VIPR2: variants seen among roughly 807,000 people sequenced by gnomAD.
The protein encoded by VIPR2 is vasoactive intestinal peptide receptor 2.
A neutral mutation model predicts 58.0 loss-of-function variants in VIPR2; 48 were observed. That is an observed-to-expected ratio of 0.83 (90% confidence interval 0.66 to 1.05). The LOEUF is 1.05. VIPR2 is among the 50% of genes least tolerant of loss of function. The pLI is 0.00. For missense variants in VIPR2, 534 were observed against 558.0 expected, an observed-to-expected ratio of 0.96 and a Z score of 0.43; for synonymous variants, 243 against 235.2, an observed-to-expected ratio of 1.03 and a Z score of -0.30.
intron 4 of VIPR2, among the ~76,000 whole-genome samples, chr7:159,101,225 C>A (rs1858207748): frequency 6.9e-6 from 1 of 145,184 alleles, no homozygotes; most frequent in Non-Finnish European, 1.5e-5. Context: ...GGCCGTTCCC[C>A]CGACTGTTCC....
rs1238345273 is a variant in VIPR2, at chr7:159,031,058, CCA to C, written c.1144-271_1144-270del. ...CGCCACTGCCGCGGTAAGCGCAGTC[CCA>C]CAGTCTCAGATAGTTAATATTTCTC... On this transcript the variant is annotated intron_variant, in intron 12 of 12. Coordinates refer to ENST00000262178, the MANE Select transcript of VIPR2 (RefSeq NM_003382.5). The surrounding 1 kb of genome is among the most constrained non-coding windows in gnomAD (Gnocchi z 4.0). Among the ~76,000 whole-genome samples, 7 of 152,186 alleles carry C rather than the reference CCA, an allele frequency of 4.6e-5. No homozygotes were observed. Among genetic ancestry groups the C allele is most frequent in the Non-Finnish European group, 8.8e-5 (6 of 68,040 alleles).
At chr7:159,139,421 T>C (rs962141399) in intron 2 of VIPR2, among the ~76,000 whole-genome samples, 4 of 152,180 alleles carry the variant, frequency 2.6e-5, no homozygotes, top group Non-Finnish European at 5.9e-5. Context: ...CCTGCTGTGC[T>C]GTGAACAGCA....
At chr7:159,086,718 C>T (rs1162913015) in intron 4 of VIPR2, among the ~76,000 whole-genome samples, 1 of 152,240 alleles carries the variant, frequency 6.6e-6, no homozygotes, top group Non-Finnish European at 1.5e-5. Flanking sequence ...TGAGTTCTGC[C>T]TGCCTCCGAG....
Position 159,063,844 on chromosome 7 carries a change from TGGGGGGCCTGGTGGGTTCC to T in VIPR2, c.358-5285_358-5267del, listed in dbSNP as rs1334338742. On this transcript the variant is annotated intron_variant, in intron 4 of 12. Transcript: ENST00000262178. ...GGGGTCCGGGGGTCCTGGTGGGGTC[TGGGGGGCCTGGTGGGTTCC>T]GGGGGTCCTGGTGGGGTCTGGGGGT... Among the ~76,000 whole-genome samples, 150 of 36,764 alleles carry T rather than the reference TGGGGGGCCTGGTGGGTTCC, an allele frequency of 4.1e-3. 2 individuals carry two copies. Among genetic ancestry groups the T allele is most frequent in the East Asian group, 9.7e-3 (10 of 1,028 alleles). 24.1% of individuals were successfully genotyped at this position (36,764 alleles called of 152,430 possible). A position where few individuals can be genotyped will look rare whatever the true frequency, so the allele number is the denominator to read the frequency against.
intron 2 of VIPR2, among the ~76,000 whole-genome samples, chr7:159,118,181 C>T (rs1563343475): frequency 6.6e-6 from 1 of 152,184 alleles, no homozygotes; most frequent in African/African-American, 2.4e-5. Context: ...CCACTCCTTC[C>T]GAAGGTGGGT....
chr7:159,058,400 G>T, intron 5 of VIPR2, 81 bp downstream of exon 5: 1 of 1,182,710 alleles, frequency 8.5e-7, no homozygotes, highest in Non-Finnish European at 1.3e-6. Flanking sequence ...AGGGCTCCAG[G>T]CTGGGTGGCG....
chr7:159,058,301 A>T (rs942042810), intron 5 of VIPR2, among the ~76,000 whole-genome samples, 180 bp downstream of exon 5: 1 of 152,232 alleles, frequency 6.6e-6, no homozygotes, highest in African/African-American at 2.4e-5. Context: ...TTACATAATA[A>T]ATGCAGAGTA....
Position 159,099,863 on chromosome 7 carries a change from C to T in VIPR2, c.357+3894G>A, listed in dbSNP as rs771465191. ...GTATTATCACTGCTGTGATCTCACA[C>T]ACCAGAGCCGCTGTCAGCCATGGTG... is the stretch of plus-strand genomic sequence containing the variant. On this transcript the variant is annotated intron_variant, in intron 4 of 12. Transcript: ENST00000262178. This position sits in a 1 kb window ranked among gnomAD's most constrained non-coding sequence, Gnocchi z 4.2. Among the ~76,000 whole-genome samples the T allele has an allele frequency of 3.3e-5, 5 of 152,170 alleles. No homozygotes were observed. The highest frequency in any genetic ancestry group is 5.9e-5 in the Non-Finnish European group (4 of 68,030).
At chr7:159,072,389 A>G (rs1339731719) in intron 4 of VIPR2, among the ~76,000 whole-genome samples, 1 of 152,264 alleles carries the variant, frequency 6.6e-6, no homozygotes, top group East Asian at 1.9e-4. Flanking sequence ...AACTAGAAAA[A>G]CAGTAAACAT....
chr7:159,125,637 G>C (rs1230073582), intron 2 of VIPR2, among the ~76,000 whole-genome samples: 1 of 152,168 alleles, frequency 6.6e-6, no homozygotes, highest in African/African-American at 2.4e-5. Flanking sequence ...CTGCTTTCTG[G>C]AGCCTTCAAG....
In VIPR2 at chr7:159,030,733, G is replaced by C; in HGVS notation, c.1200C>G (p.Ser400Arg). The C allele has an allele frequency of 6.3e-7, 1 of 1,590,694 alleles. No homozygotes were observed. Among genetic ancestry groups the C allele is most frequent in the Non-Finnish European group, 8.5e-7 (1 of 1,170,680 alleles). The change falls in exon 13 of 13, where the codon AGC becomes AGG. Residue 400 changes from serine (S) to arginine (R), a missense_variant. Coordinates refer to ENST00000262178, the MANE Select transcript of VIPR2 (RefSeq NM_003382.5). ...WRSRCPTPSA[S>R]RDYRVCGSSF... The stretch of plus-strand genomic sequence containing the variant: ...AGGAACCGCAGACCCTGTAATCCCG[G>C]CTCGCGGACGGGGTCGGGCACCGGC...
intron 4 of VIPR2, among the ~76,000 whole-genome samples, chr7:159,076,156 T>C (rs115947562): frequency 0.013 from 1,991 of 152,310 alleles, 33 homozygotes; most frequent in African/African-American, 0.045. Flanking sequence ...GCCAGGATCT[T>C]GTGCGTTTTT....
chr7:159,031,521 C>A lies in VIPR2; in HGVS notation c.1143+307G>T. On this transcript the variant is annotated intron_variant, in intron 12 of 12. Transcript: ENST00000262178. The surrounding 1 kb of genome is among the most constrained non-coding windows in gnomAD (Gnocchi z 4.0). ...GCTATGGTCAGGAGCGAGACGCCGA[C>A]CATGGGGAAAAACAGATTCTGTCTA... 3.0e-6 allele frequency: 3 copies of A among 985,254 alleles called. No individual in the cohort carries two copies. The highest frequency in any genetic ancestry group is 1.7e-5 in the African/African-American group (1 of 57,306). The allele number at this position is 985,254 out of a possible 1,614,324, so 61.0% of individuals were successfully genotyped here.
intron 4 of VIPR2, among the ~76,000 whole-genome samples, chr7:159,064,209 C>T (rs1366176397): frequency 2.0e-5 from 3 of 151,932 alleles, no homozygotes; most frequent in East Asian, 1.9e-4. Context: ...CCCCACGCGC[C>T]GGGCCAGGAG....
chr7:159,064,174 G>A (rs980595649), intron 4 of VIPR2, among the ~76,000 whole-genome samples: 3 of 152,090 alleles, frequency 2.0e-5, no homozygotes. Flanking sequence ...GAGGCGATGC[G>A]GCTGCTGGGG....
intron 6 of VIPR2, among the ~76,000 whole-genome samples, chr7:159,038,180 T>TGGCCTCCCCTGAGCCCTGCAGGCTGCCCC: frequency 6.6e-6 from 1 of 152,118 alleles, no homozygotes; most frequent in African/African-American, 2.4e-5. Context: ...AGGCTGTCCC[T>TGGCCTCCCCTGAGCCCTGCAGGCTGCCCC]GGCCTCCCCT....
rs1331844702 is a variant in VIPR2 at position 159,068,319 on chromosome 7, G to A, written c.358-9741C>T. 2.0e-5 allele frequency among the ~76,000 whole-genome samples: 3 copies of A among 152,244 alleles called. No homozygotes were observed. The East Asian group carries it at 5.8e-4, about 29-fold the overall frequency. On this transcript the variant is annotated intron_variant, in intron 4 of 12. Coordinates refer to ENST00000262178, the MANE Select transcript of VIPR2 (RefSeq NM_003382.5). ...CTTTTCACATGTTTTTCCTTTAAGG[G>A]GAATAGAACTAATTAAAATCTGTCA... is the stretch of plus-strand genomic sequence containing the variant.
chr7:159,058,155 A>G (rs1855429200), intron 5 of VIPR2, among the ~76,000 whole-genome samples: 1 of 152,238 alleles, frequency 6.6e-6, no homozygotes, highest in Non-Finnish European at 1.5e-5. Context: ...GAGCACCTAC[A>G]GCCAAAACAC....
chr7:159,036,957 T>C, intron 6 of VIPR2, 55 bp from the exon 7 acceptor site: 1 of 1,573,758 alleles, frequency 6.4e-7, no homozygotes, highest in Non-Finnish European at 8.7e-7. Context: ...TAACAGCAGC[T>C]ACCAGCAGGC....
Sources: gnomAD v4.1 joint callset for allele counts (sites outside exome capture counted in the v4.1 genomes callset) on GRCh38, gnomAD v4.1.1 for gene constraint, Gnocchi (gnomAD v3.1) non-coding constraint, MANE v1.5 for transcripts, NCBI Gene and HGNC (gene_info 2026-07-23, HGNC 2026-07-21) for gene names.